Variants in ARMH3 observed in about 807,000 individuals in gnomAD.
ARMH3 encodes the protein armadillo like helical domain containing 3.
Under a neutral mutation model 99.1 loss-of-function variants are expected in ARMH3, and 60 were observed. The ratio of observed to expected loss-of-function variants is 0.61; its 90% CI spans 0.49 to 0.75. The LOEUF (loss-of-function observed/expected upper bound fraction) is 0.75, where lower values mean the gene tolerates loss of function less well. Among genes scored for constraint, ARMH3 ranks in the 30% least tolerant of loss-of-function variants. The pLI, the probability that ARMH3 is intolerant of heterozygous loss-of-function variation, is 0.00. For missense variants in ARMH3, 679 were observed against 843.1 expected (o/e 0.81, Z 2.41); for synonymous variants, 285 against 292.8 (o/e 0.97, Z 0.27).
At chr10:102,014,641 A>G (rs1398360286) in intron 8 of ARMH3, among the ~76,000 whole-genome samples, 1 of 152,228 alleles carries the variant, frequency 6.6e-6, no homozygotes, top group African/African-American at 2.4e-5. Context: ...AACTGAAAAA[A>G]AGGATGTAAT....
intron 14 of ARMH3, 94 bp from the exon 15 acceptor site, chr10:102,002,166 A>G: frequency 6.4e-7 from 1 of 1,556,044 alleles, no homozygotes; most frequent in East Asian, 2.3e-5. Flanking sequence ...CAAAAAAATC[A>G]CTAAATAAGC....
intron 1 of ARMH3, among the ~76,000 whole-genome samples, chr10:102,042,689 T>C (rs1353402298): frequency 6.6e-6 from 1 of 151,536 alleles, no homozygotes; most frequent in Non-Finnish European, 1.5e-5. Context: ...ACCCAGGGAG[T>C]TTCTAAGGTG....
chr10:101,943,622 CA>C (rs1227740480), intron 22 of ARMH3, among the ~76,000 whole-genome samples: 7 of 151,910 alleles, frequency 4.6e-5, no homozygotes, highest in Admixed American at 4.6e-4. Flanking sequence ...ATTCTAATAA[CA>C]AAAATAACCA....
intron 22 of ARMH3, among the ~76,000 whole-genome samples, chr10:101,943,836 G>A (rs1048841000): frequency 7.9e-5 from 12 of 151,204 alleles, no homozygotes; most frequent in Admixed American, 2.0e-4. Flanking sequence ...AGGCCGAGGT[G>A]GGTGGATCAC....
intron 1 of ARMH3, among the ~76,000 whole-genome samples, chr10:102,050,703 C>T (rs1452037074): frequency 1.3e-5 from 2 of 150,914 alleles, no homozygotes; most frequent in Admixed American, 6.6e-5. Flanking sequence ...ACTAAATATA[C>T]AAAAATTAGT....
chr10:101,988,922 C>CAA lies in ARMH3; in HGVS notation c.1406+1627_1406+1628dup, dbSNP rs35605193. On this transcript the variant is annotated intron_variant, in intron 19 of 25. Coordinates refer to ENST00000370033, the MANE Select transcript of ARMH3 (RefSeq NM_024541.3). ...TAGGCAACAGAATAAGACTCTGTCT[C>CAA]AAAAAAAAAAAAAAAAAAAAAAAGC... 8.6e-3 allele frequency among the ~76,000 whole-genome samples: 476 copies of CAA among 55,516 alleles called. 5 individuals are homozygous for CAA. Among genetic ancestry groups the CAA allele is most frequent in the Middle Eastern group, 0.021 (2 of 94 alleles). The allele number at this position is 55,516 out of a possible 152,430, so 36.4% of individuals were successfully genotyped here. A position where few individuals can be genotyped will look rare whatever the true frequency, so the allele number is the denominator to read the frequency against.
At chr10:101,860,191 A>G (rs1306672628) in intron 24 of ARMH3, among the ~76,000 whole-genome samples, 1 of 152,210 alleles carries the variant, frequency 6.6e-6, no homozygotes, top group Non-Finnish European at 1.5e-5. Flanking sequence ...CCTCTGTAGT[A>G]ACTGAGAAAA....
At chr10:101,998,423 G>A (rs1847157636) in intron 15 of ARMH3, among the ~76,000 whole-genome samples, 1 of 152,202 alleles carries the variant, frequency 6.6e-6, no homozygotes, top group Non-Finnish European at 1.5e-5. Flanking sequence ...TTAGGAGTTA[G>A]TGACATGGAC....
At chr10:102,000,339 T>C (rs1348663442) in intron 15 of ARMH3, among the ~76,000 whole-genome samples, 5 of 152,112 alleles carry the variant, frequency 3.3e-5, no homozygotes, top group African/African-American at 1.2e-4. Context: ...ATTCCACTTA[T>C]ATCAGGTTCC....
intron 23 of ARMH3, among the ~76,000 whole-genome samples, chr10:101,890,841 CA>C (rs1200189676): frequency 1.3e-5 from 2 of 151,422 alleles, no homozygotes; most frequent in East Asian, 3.9e-4. Context: ...AAATATCAGA[CA>C]GGGGACATTC....
Position 102,025,184 on chromosome 10 carries a change from C to G in ARMH3, c.479G>C (p.Cys160Ser). 6.2e-7 allele frequency: 1 copy of G among 1,613,874 alleles called. No individual in the cohort carries two copies. Among genetic ancestry groups the G allele is most frequent in the African/African-American group, 1.3e-5 (1 of 75,044 alleles). Reference sequence around the variant, plus strand: ...CACTAAGCAAAGGAGAAGTTTCAGACATAAACTCTTCAGACTTTCAGAACC... The same window carrying G: ...CACTAAGCAAAGGAGAAGTTTCAGAGATAAACTCTTCAGACTTTCAGAACC... The part of the protein sequence containing the change: ...AEGSESLKSL[C>S]LKLLLCLVTV... The change falls in exon 6 of 26, where the codon TGT becomes TCT. Residue 160 changes from cysteine to serine, a missense_variant. Transcript: ENST00000370033.
At chr10:101,893,589 G>T (rs1283684481) in intron 23 of ARMH3, among the ~76,000 whole-genome samples, 1 of 152,146 alleles carries the variant, frequency 6.6e-6, no homozygotes, top group East Asian at 1.9e-4. Context: ...CCCTGGGAAT[G>T]GAATTGCTGG....
chr10:102,029,819 C>A, intron 4 of ARMH3, 74 bp from the exon 5 acceptor site: 1 of 1,334,438 alleles, frequency 7.5e-7, no homozygotes, highest in East Asian at 2.3e-5. Context: ...GCAGCCTCAT[C>A]CTTACACAGC....
chr10:101,915,275 A>G (rs1843030364), intron 23 of ARMH3, among the ~76,000 whole-genome samples: 1 of 152,182 alleles, frequency 6.6e-6, no homozygotes, highest in African/African-American at 2.4e-5. Flanking sequence ...GCTGAAAATC[A>G]TTCAGCTGAA....
intron 1 of ARMH3, among the ~76,000 whole-genome samples, chr10:102,053,912 C>T (rs934866802): frequency 6.6e-6 from 1 of 152,150 alleles, no homozygotes; most frequent in African/African-American, 2.4e-5. Flanking sequence ...CCGGCCTCCG[C>T]CTCCCAAAGT....
chr10:101,908,351 T>A (rs559039298), intron 23 of ARMH3, among the ~76,000 whole-genome samples: 1 of 152,356 alleles, frequency 6.6e-6, no homozygotes, highest in South Asian at 2.1e-4. Flanking sequence ...ATGTAATATA[T>A]TTACTTAATA....
intron 8 of ARMH3, among the ~76,000 whole-genome samples, chr10:102,015,846 C>A (rs1321732655): frequency 6.6e-6 from 1 of 152,156 alleles, no homozygotes; most frequent in African/African-American, 2.4e-5. Flanking sequence ...ATCTAAAATG[C>A]TTTAGGGCTG....
At chr10:101,888,073 TA>T (rs146742225) in intron 24 of ARMH3, among the ~76,000 whole-genome samples, 216 of 130,822 alleles carry the variant, frequency 1.7e-3, no homozygotes, top group Non-Finnish European at 1.6e-3. Flanking sequence ...TTTTTTTTTT[TA>T]AAAAAAAAAA....
chr10:101,982,723 A>G (rs1406461204), intron 19 of ARMH3, among the ~76,000 whole-genome samples: 3 of 152,134 alleles, frequency 2.0e-5, no homozygotes, highest in African/African-American at 4.8e-5. Context: ...TGCGCATGCA[A>G]GGGATCTAGG....
Sources: gnomAD v4.1 joint callset for allele counts (sites outside exome capture counted in the v4.1 genomes callset) on GRCh38, gnomAD v4.1.1 for gene constraint, MANE v1.5 for transcripts, NCBI Gene and HGNC (gene_info 2026-07-23, HGNC 2026-07-21) for gene names.